PCDHA6: variants seen among roughly 807,000 people sequenced by gnomAD.
PCDHA6 encodes the protein protocadherin alpha-6.
A neutral mutation model predicts 60.3 loss-of-function variants in PCDHA6; 55 were observed. The observed-to-expected ratio is 0.91, with a 90% CI of 0.73 to 1.14. The LOEUF is 1.14. Among genes scored for constraint, PCDHA6 ranks in the 50% most tolerant of loss-of-function variants. PCDHA6 has a pLI of 0.00. For missense variants in PCDHA6, 1,327 were observed against 1,256.5 expected (o/e 1.06, Z -0.85); for synonymous variants, 652 against 557.9 (o/e 1.17, Z -2.38).
chr5:140,939,993 G>A (rs889924458), intron 1 of PCDHA6, among the ~76,000 whole-genome samples: 3 of 151,902 alleles, frequency 2.0e-5, no homozygotes, highest in African/African-American at 7.3e-5. Context: ...GTTTCTCCTT[G>A]GATTTTGTCA....
rs2150182909 is a variant in PCDHA6, at chr5:140,830,219, C to G, written c.2128C>G (p.Leu710Val). The G allele has an allele frequency of 1.9e-6, 3 of 1,613,894 alleles. No individual in the cohort carries two copies. The highest frequency in any genetic ancestry group is 3.3e-5 in the Admixed American group (2 of 60,024). Residue 710 changes from leucine (L) to valine (V), a missense_variant, in exon 1 of 4, where the codon CTG (leucine) becomes GTG (valine). Coordinates refer to ENST00000529310, the MANE Select transcript of PCDHA6 (RefSeq NM_018909.4). ...CATCGCCATCTGCGCGGTATCCAGC[C>G]TGCTGGTCCTCACGCTACTGCTGTA... ...LIIAICAVSS[L>V]LVLTLLLYTA...
intron 1 of PCDHA6, chr5:140,834,155 GT>G: frequency 3.7e-6 from 2 of 535,854 alleles, no homozygotes; most frequent in South Asian, 3.0e-5. Context: ...GTAATGGTTT[GT>G]AATTCTTACT....
intron 1 of PCDHA6, chr5:140,841,189 TTTCTC>T: frequency 8.1e-7 from 1 of 1,233,560 alleles, no homozygotes; most frequent in East Asian, 2.5e-5. Flanking sequence ...TTCAAAGTCT[TTTCTC>T]TGACAGCATC....
Position 140,853,567 on chromosome 5 carries a change from T to C in PCDHA6, c.2394+23082T>C. 2 of 981,210 alleles carry C rather than the reference T, an allele frequency of 2.0e-6. 1 individual carries two copies. The highest frequency in any genetic ancestry group is 3.5e-5 in the African/African-American group (2 of 56,602). The allele number at this position is 981,210 out of a possible 1,614,324, so 60.8% of individuals were successfully genotyped here. A position where few individuals can be genotyped will look rare whatever the true frequency, so the allele number is the denominator to read the frequency against. On this transcript the variant is annotated intron_variant, in intron 1 of 3. Transcript: ENST00000529310. ...TAATTACTATATAGGAAAAACTAAGTTGTCACCCAATATCTTAGACACTTT... is the reference window on the plus strand; with the variant it reads ...TAATTACTATATAGGAAAAACTAAGCTGTCACCCAATATCTTAGACACTTT...
intron 3 of PCDHA6, among the ~76,000 whole-genome samples, chr5:140,994,539 CA>C (rs35651294): frequency 0.48 from 72,467 of 151,372 alleles, 18,531 homozygotes; most frequent in African/African-American, 0.67. Flanking sequence ...CCCATCTCTA[CA>C]AAAAAAATAT....
chr5:140,892,573 A>G (rs1299586046), intron 1 of PCDHA6, among the ~76,000 whole-genome samples: 1 of 152,210 alleles, frequency 6.6e-6, no homozygotes, highest in Non-Finnish European at 1.5e-5. Context: ...TGTCAAAAGT[A>G]TATCTCAGTA....
intron 1 of PCDHA6, among the ~76,000 whole-genome samples, chr5:140,975,553 G>A (rs990389718): frequency 6.6e-6 from 1 of 152,226 alleles, no homozygotes; most frequent in Non-Finnish European, 1.5e-5. Flanking sequence ...TATTAGGAAG[G>A]AAAAGGAGAT....
At chr5:140,927,059 G>T (rs2153586396) in intron 1 of PCDHA6, 1 of 1,611,324 alleles carries the variant, frequency 6.2e-7, no homozygotes, top group Middle Eastern at 1.7e-4. Flanking sequence ...CGGAACTTTC[G>T]CTTCCTTTCC....
intron 1 of PCDHA6, among the ~76,000 whole-genome samples, chr5:140,896,747 G>C (rs1162214018): frequency 1.3e-5 from 2 of 152,070 alleles, no homozygotes; most frequent in Admixed American, 1.3e-4. Context: ...ATAGATTCTG[G>C]ATATTAGACC....
chr5:140,836,815 A>C, intron 1 of PCDHA6: 1 of 1,210,190 alleles, frequency 8.3e-7, no homozygotes, highest in Non-Finnish European at 1.1e-6. Flanking sequence ...TTCTTTCATA[A>C]TTTCTTTTTT....
At chr5:140,882,062 T>G (rs78484684) in intron 1 of PCDHA6, 9 of 812,456 alleles carry the variant, frequency 1.1e-5, no homozygotes, top group Non-Finnish European at 1.5e-5. Flanking sequence ...CACTTACACG[T>G]TCATGCGCAT....
At chr5:140,899,200 T>G (rs1554188457) in intron 1 of PCDHA6, among the ~76,000 whole-genome samples, 2 of 151,512 alleles carry the variant, frequency 1.3e-5, no homozygotes, top group Admixed American at 1.3e-4. Context: ...CCTGCCTAAT[T>G]GCCCTGGCCA....
rs1554203742 is a variant in PCDHA6 at position 140,926,854 on chromosome 5, G to A, written c.2395-52095G>A. 10 of 1,520,530 alleles carry A rather than the reference G, an allele frequency of 6.6e-6. No homozygotes were observed. In the South Asian group the frequency reaches 1.3e-4, roughly 20 times the overall value. The allele number at this position is 1,520,530 out of a possible 1,614,324, so 94.2% of individuals were successfully genotyped here. On this transcript the variant is annotated intron_variant, in intron 1 of 3. Transcript: ENST00000529310. Reference sequence around the variant, plus strand: ...GGAGCATGGTCCTGGGTCACCGTTGGTGTAGCGTGTTGGTGGAACGTGGAC... The same window carrying A: ...GGAGCATGGTCCTGGGTCACCGTTGATGTAGCGTGTTGGTGGAACGTGGAC...
At chr5:140,876,168 C>A in intron 1 of PCDHA6, 5 of 1,613,918 alleles carry the variant, frequency 3.1e-6, no homozygotes, top group Non-Finnish European at 4.2e-6. Context: ...AAATAACCGT[C>A]CTGGATGTGA....
At chr5:140,849,595 C>T (rs2150441932) in intron 1 of PCDHA6, 1 of 1,598,688 alleles carries the variant, frequency 6.3e-7, no homozygotes, top group South Asian at 1.1e-5. Flanking sequence ...CAACTGGGGA[C>T]AGTTATTGCC....
At chr5:140,987,480 A>C (rs1489888830) in intron 3 of PCDHA6, among the ~76,000 whole-genome samples, 2 of 152,192 alleles carry the variant, frequency 1.3e-5, no homozygotes, top group African/African-American at 4.8e-5. Flanking sequence ...CTTGGGAGTC[A>C]GTGACCCTTT....
chr5:140,968,492 G>A (rs2096250539), intron 1 of PCDHA6: 2 of 1,614,074 alleles, frequency 1.2e-6, no homozygotes, highest in African/African-American at 1.3e-5. Flanking sequence ...GAATGACCAT[G>A]CCCCTCACAT....
intron 1 of PCDHA6, chr5:140,855,849 C>T: frequency 7.5e-6 from 5 of 665,166 alleles, no homozygotes; most frequent in Non-Finnish European, 1.2e-5. Flanking sequence ...CCTAAAGCCA[C>T]CGGATGTCGC....
chr5:141,009,174 G>A (rs1281128951), intron 3 of PCDHA6, among the ~76,000 whole-genome samples: 1 of 152,228 alleles, frequency 6.6e-6, no homozygotes, highest in African/African-American at 2.4e-5. Flanking sequence ...ACTGGCCTTG[G>A]CTGGGTGTGG....
Sources: allele counts gnomAD v4.1 joint callset (sites outside exome capture counted in the v4.1 genomes callset), GRCh38; gene constraint gnomAD v4.1.1; transcripts MANE v1.5; gene names NCBI Gene and HGNC (gene_info 2026-07-23, HGNC 2026-07-21).